Variants in SUMF1 observed in about 807,000 individuals in gnomAD.
SUMF1 encodes the protein sulfatase modifying factor 1.
Under a neutral mutation model 47.6 loss-of-function variants are expected in SUMF1, and 48 were observed. The ratio of observed to expected loss-of-function variants is 1.01; its 90% CI spans 0.80 to 1.28. The LOEUF (loss-of-function observed/expected upper bound fraction) is 1.28, where lower values mean the gene tolerates loss of function less well. SUMF1 is among the 50% of genes most tolerant of loss of function. SUMF1 has a pLI of 0.00. For synonymous variants in SUMF1, 230 were observed against 192.1 expected (o/e 1.20, Z -1.63); for missense variants, 571 against 485.4 (o/e 1.18, Z -1.66).
chr3:4,333,728 A>T (rs1429607970), intron 8 of SUMF1, among the ~76,000 whole-genome samples: 3 of 152,202 alleles, frequency 2.0e-5, no homozygotes, highest in Non-Finnish European at 2.9e-5. Flanking sequence ...AGCAATGAAG[A>T]TCGCAAAGAA....
At chr3:4,407,657 C>A (rs907568411) in intron 7 of SUMF1, among the ~76,000 whole-genome samples, 3 of 152,114 alleles carry the variant, frequency 2.0e-5, no homozygotes, top group African/African-American at 7.2e-5. Flanking sequence ...ATTAAGATCT[C>A]AAAGAGAAAT....
intron 8 of SUMF1, among the ~76,000 whole-genome samples, chr3:4,253,286 G>A (rs534700148): frequency 1.1e-4 from 16 of 152,144 alleles, no homozygotes; most frequent in African/African-American, 2.6e-4. Flanking sequence ...GAACAGCTCC[G>A]GTCTACAGCT....
At chr3:4,433,529 A>G (rs1396177936) in intron 3 of SUMF1, among the ~76,000 whole-genome samples, 1 of 152,172 alleles carries the variant, frequency 6.6e-6, no homozygotes, top group Non-Finnish European at 1.5e-5. Context: ...TATCTCATCT[A>G]GTCAGCCAGC....
downstream of SUMF1, among the ~76,000 whole-genome samples, chr3:4,360,320 C>CT (rs11291635): frequency 0.025 from 3,406 of 135,320 alleles, 61 homozygotes; most frequent in South Asian, 0.061. Context: ...AGCTACATGA[C>CT]TTTTTTTTTT....
intron 8 of SUMF1, among the ~76,000 whole-genome samples, chr3:4,233,935 A>G (rs952608459): frequency 1.3e-5 from 2 of 152,074 alleles, no homozygotes; most frequent in Admixed American, 6.5e-5. Flanking sequence ...TCCCCCAGGG[A>G]CTAGGTCACA....
chr3:4,143,715 T>C (rs1176270047), intron 8 of SUMF1, among the ~76,000 whole-genome samples: 2 of 152,066 alleles, frequency 1.3e-5, no homozygotes, highest in East Asian at 3.8e-4. Flanking sequence ...CCCAGGGAGT[T>C]AGGTAACTTT....
intron 8 of SUMF1, among the ~76,000 whole-genome samples, chr3:4,268,921 T>C (rs1421473315): frequency 6.6e-6 from 1 of 152,102 alleles, no homozygotes; most frequent in Non-Finnish European, 1.5e-5. Flanking sequence ...TATATATGCT[T>C]TCACTTAAGT....
rs1699903375 is a variant in SUMF1, at chr3:4,365,031, T to C, written c.1015-2777A>G. Among the ~76,000 whole-genome samples the C allele has an allele frequency of 2.0e-5, 3 of 152,190 alleles. No homozygotes were observed. In the South Asian group the frequency reaches 6.2e-4, roughly 32 times the overall value. ...TTCCATGTAGTTGAGCGGTTTTGAG[T>C]GAGTTTCTTAATCCTGAGTTCTAGT... is the stretch of plus-strand genomic sequence containing the variant. On this transcript the variant is annotated intron_variant, in intron 8 of 8. Coordinates refer to ENST00000272902, the MANE Select transcript of SUMF1 (RefSeq NM_182760.4).
chr3:4,242,544 T>C (rs564609306), intron 8 of SUMF1, among the ~76,000 whole-genome samples: 1 of 152,342 alleles, frequency 6.6e-6, no homozygotes, highest in South Asian at 2.1e-4. Flanking sequence ...GTGGTTTTTG[T>C]CATTGGTTCT....
At chr3:4,171,710 C>T (rs1312829081) in intron 8 of SUMF1, among the ~76,000 whole-genome samples, 1 of 152,088 alleles carries the variant, frequency 6.6e-6, no homozygotes, top group Non-Finnish European at 1.5e-5. Context: ...ACTGATGTTC[C>T]AGATAAATGG....
Position 4,099,294 on chromosome 3 carries a change from G to T in SUMF1, c.1015-30549C>A, listed in dbSNP as rs952159494. Among the ~76,000 whole-genome samples, 4 of 152,110 alleles carry T rather than the reference G, an allele frequency of 2.6e-5. No homozygotes were observed. In the East Asian group the frequency reaches 7.7e-4, roughly 29 times the overall value. On this transcript the variant is annotated intron_variant and NMD_transcript_variant, in intron 8 of 12. Coordinates refer to the SUMF1 transcript ENST00000448413. ...AGTGAGAATTATCCCTGGGAGGCAAGTTTGGTTCAACATACATAAATCAAT... is the reference window on the plus strand; with the variant it reads ...AGTGAGAATTATCCCTGGGAGGCAATTTTGGTTCAACATACATAAATCAAT...
At chr3:4,318,050 G>T (rs1698730769) in intron 8 of SUMF1, among the ~76,000 whole-genome samples, 1 of 151,918 alleles carries the variant, frequency 6.6e-6, no homozygotes, top group South Asian at 2.1e-4. Context: ...AGTGCCTAAG[G>T]TTACATACAT....
At chr3:4,097,774 T>C (rs1692939217) in intron 8 of SUMF1, among the ~76,000 whole-genome samples, 1 of 152,090 alleles carries the variant, frequency 6.6e-6, no homozygotes, top group African/African-American at 2.4e-5. Context: ...TAGCCCTAGA[T>C]TAACCAGAGT....
chr3:4,073,115 C>CA (rs1692321113), intron 8 of SUMF1, among the ~76,000 whole-genome samples: 1 of 152,186 alleles, frequency 6.6e-6, no homozygotes, highest in Non-Finnish European at 1.5e-5. Flanking sequence ...AAGGGCAGCC[C>CA]ATCAGACTAA....
In SUMF1 at chr3:4,211,121, T is replaced by TATATATATATATATATATAC. The variant is rs150373609; in HGVS notation, c.1015-142377_1015-142376insGTATATATATATATATATAT. Among the ~76,000 whole-genome samples the TATATATATATATATATATAC allele has an allele frequency of 4.1e-4, 52 of 128,304 alleles. 2 individuals are homozygous for TATATATATATATATATATAC. Among genetic ancestry groups the TATATATATATATATATATAC allele is most frequent in the Admixed American group, 7.1e-4 (9 of 12,690 alleles). 84.2% of individuals were successfully genotyped at this position (128,304 alleles called of 152,430 possible). On this transcript the variant is annotated intron_variant and NMD_transcript_variant, in intron 8 of 12. Transcript: ENST00000448413. ...AAACTCCCATATATATATATATATATACACACACACACACATATATACATA... is the reference window on the plus strand; with the variant it reads ...AAACTCCCATATATATATATATATATATATATATATATATATATACACACACACACACACATATATACATA...
intron 9 of SUMF1, among the ~76,000 whole-genome samples, chr3:4,050,814 A>T (rs991101628): frequency 4.0e-5 from 6 of 149,860 alleles, no homozygotes; most frequent in African/African-American, 1.5e-4. Context: ...AAATGTAATG[A>T]TGTACATGAA....
chr3:4,221,324 T>TTGCCA (rs1696057274), intron 8 of SUMF1, among the ~76,000 whole-genome samples: 2 of 152,104 alleles, frequency 1.3e-5, no homozygotes, highest in African/African-American at 4.8e-5. Context: ...GTGTTTTAAG[T>TTGCCA]TGCCATGAAT....
At chr3:4,202,856 T>G (rs1220254700) in intron 8 of SUMF1, among the ~76,000 whole-genome samples, 1 of 152,050 alleles carries the variant, frequency 6.6e-6, no homozygotes, top group Non-Finnish European at 1.5e-5. Context: ...AGGAGCATAT[T>G]GTTAATTTCC....
intron 8 of SUMF1, among the ~76,000 whole-genome samples, chr3:4,068,961 C>T (rs1559442957): frequency 6.6e-6 from 1 of 152,242 alleles, no homozygotes; most frequent in Middle Eastern, 3.4e-3. Flanking sequence ...AATCTGACTA[C>T]AGGGCCTGAA....
Sources: gnomAD v4.1 joint callset for allele counts (sites outside exome capture counted in the v4.1 genomes callset) on GRCh38, gnomAD v4.1.1 for gene constraint, MANE v1.5 for transcripts, NCBI Gene and HGNC (gene_info 2026-07-23, HGNC 2026-07-21) for gene names.